GPC3: variants seen among roughly 807,000 people sequenced by gnomAD.
The protein encoded by GPC3 is glypican 3, also known as glypican-3.
GPC3 carries 3 observed loss-of-function variants against 34.4 expected under a neutral mutation model. The ratio of observed to expected loss-of-function variants is 0.09; its 90% confidence interval spans 0.04 to 0.23. GPC3 has a LOEUF of 0.23. Ranked by LOEUF, GPC3 falls within the 10% of genes least tolerant of loss-of-function variation. GPC3 has a pLI of 1.00. For missense variants in GPC3, 351 were observed against 445.6 expected (o/e 0.79, Z 1.91); for synonymous variants, 177 against 174.0 (o/e 1.02, Z -0.13).
At chrX:133,587,284 A>G in intron 7 of GPC3, among the ~76,000 whole-genome samples, 2 of 111,659 alleles carry the variant, frequency 1.8e-5, no homozygotes, top group Middle Eastern at 4.7e-3. Context: ...GAATGACAGG[A>G]TTTCCTTTTT....
At chrX:133,936,294 G>A (rs1239573100) in intron 2 of GPC3, among the ~76,000 whole-genome samples, 1 of 108,596 alleles carries the variant, frequency 9.2e-6, no homozygotes, top group Non-Finnish European at 1.9e-5. Flanking sequence ...ACCTTGCCCG[G>A]CCTGAGTCTC....
At position 133,923,386 on chromosome X, in the gene GPC3, A is replaced by T. The variant is rs777843802; in HGVS notation, c.337+29664T>A. On this transcript the variant is annotated intron_variant, in intron 2 of 7. Transcript: ENST00000370818. ...AGACACTGCTCCCTCCTTTATGAGA[A>T]GCCCTAAAGCAAGAATTCAAGAGAG... Among the ~76,000 whole-genome samples the T allele has an allele frequency of 4.4e-4, 49 of 111,625 alleles. No individual in the cohort carries two copies. In the Middle Eastern group the frequency reaches 0.014, roughly 31 times the overall value.
At chrX:133,707,895 G>A (rs2071232813) in intron 3 of GPC3, among the ~76,000 whole-genome samples, 1 of 110,503 alleles carries the variant, frequency 9.0e-6, no homozygotes, top group South Asian at 3.8e-4. Flanking sequence ...GTATACACAT[G>A]TGTAAACACT....
intron 1 of GPC3, among the ~76,000 whole-genome samples, chrX:133,976,833 T>G (rs1047456660): frequency 2.7e-5 from 3 of 109,441 alleles, no homozygotes; most frequent in African/African-American, 1.0e-4. Flanking sequence ...CAGTAGAATC[T>G]CTTGAACCTG....
intron 3 of GPC3, among the ~76,000 whole-genome samples, chrX:133,729,639 T>C (rs1042086666): frequency 8.9e-6 from 1 of 111,818 alleles, no homozygotes; most frequent in African/African-American, 3.3e-5. Context: ...ATTGAGTATA[T>C]AGACGAAGCT....
intron 1 of GPC3, among the ~76,000 whole-genome samples, chrX:133,954,719 T>C (rs944505106): frequency 9.4e-6 from 1 of 105,905 alleles, no homozygotes; most frequent in Non-Finnish European, 1.9e-5. Context: ...CTTCAACTTC[T>C]GTCTTACTCA....
At chrX:133,723,598 C>T (rs368649053) in intron 3 of GPC3, among the ~76,000 whole-genome samples, 2 of 110,996 alleles carry the variant, frequency 1.8e-5, no homozygotes, top group African/African-American at 6.6e-5. Context: ...GTGCCCTCCT[C>T]GAGGTAATGA....
chrX:133,907,026 G>A (rs1287319531), intron 2 of GPC3, among the ~76,000 whole-genome samples: 2 of 109,545 alleles, frequency 1.8e-5, no homozygotes, highest in East Asian at 2.9e-4. Context: ...GCTTGAACCC[G>A]GGAGGCGGAG....
intron 2 of GPC3, among the ~76,000 whole-genome samples, chrX:133,767,898 A>G: frequency 9.3e-6 from 1 of 107,448 alleles, no homozygotes. Flanking sequence ...TTTTGCATCC[A>G]CATTAGAACT....
At chrX:133,748,236 A>G (rs1353492782) in intron 3 of GPC3, among the ~76,000 whole-genome samples, 1 of 112,249 alleles carries the variant, frequency 8.9e-6, no homozygotes, top group Non-Finnish European at 1.9e-5. Flanking sequence ...TTTCAGGATA[A>G]AAACAGTCAT....
At chrX:133,980,581 A>C (rs2076533967) in intron 1 of GPC3, among the ~76,000 whole-genome samples, 1 of 112,430 alleles carries the variant, frequency 8.9e-6, no homozygotes, top group Non-Finnish European at 1.9e-5. Flanking sequence ...TCACAAAAAA[A>C]TGTACAAATT....
At chrX:133,869,683 T>C (rs2284123) in intron 2 of GPC3, among the ~76,000 whole-genome samples, 41,065 of 111,117 alleles carry the variant, frequency 0.37, 5,942 homozygotes, top group African/African-American at 0.53. Flanking sequence ...CATGGTGGCT[T>C]ACACCTGTAA....
intron 5 of GPC3, among the ~76,000 whole-genome samples, chrX:133,686,125 T>C (rs2071000173): frequency 9.0e-6 from 1 of 111,634 alleles, no homozygotes. Context: ...TAAACCCCTA[T>C]GGGAGGTGTG....
chrX:133,903,706 G>A (rs1026953231), intron 2 of GPC3, among the ~76,000 whole-genome samples: 1 of 112,434 alleles, frequency 8.9e-6, no homozygotes, highest in South Asian at 3.7e-4. Context: ...CACTGGCAGA[G>A]AAGGAAAGGG....
intron 2 of GPC3, among the ~76,000 whole-genome samples, chrX:133,775,119 T>G (rs2071965183): frequency 9.0e-6 from 1 of 111,577 alleles, no homozygotes; most frequent in African/African-American, 3.3e-5. Context: ...TTTCTCTTTT[T>G]TTTTGAAATT....
intron 2 of GPC3, among the ~76,000 whole-genome samples, chrX:133,914,695 G>A (rs904053651): frequency 9.1e-6 from 1 of 109,864 alleles, no homozygotes; most frequent in Admixed American, 9.8e-5. Context: ...GTACAGTATA[G>A]TTAGCACTTA....
intron 6 of GPC3, among the ~76,000 whole-genome samples, chrX:133,645,239 T>C (rs1301744704): frequency 8.9e-6 from 1 of 111,836 alleles, no homozygotes; most frequent in Non-Finnish European, 1.9e-5. Flanking sequence ...TCGGACCGGA[T>C]TCAACTGCTT....
At chrX:133,799,057 G>A (rs987807753) in intron 2 of GPC3, among the ~76,000 whole-genome samples, 4 of 111,800 alleles carry the variant, frequency 3.6e-5, no homozygotes, top group Admixed American at 2.8e-4. Flanking sequence ...AGCACTGGGC[G>A]CTTCTGAGTG....
At chrX:133,779,422 T>C (rs1051747349) in intron 2 of GPC3, among the ~76,000 whole-genome samples, 11 of 111,997 alleles carry the variant, frequency 9.8e-5, no homozygotes, top group Non-Finnish European at 3.8e-5. Context: ...CACATGCTAG[T>C]TGTGTGACCT....
Sources: gnomAD v4.1 joint callset for allele counts (sites outside exome capture counted in the v4.1 genomes callset) on GRCh38, gnomAD v4.1.1 for gene constraint, MANE v1.5 for transcripts, NCBI Gene and HGNC (gene_info 2026-07-23, HGNC 2026-07-21) for gene names.